The following FCHO2 variants were observed in gnomAD, a reference collection of about 807,000 sequenced individuals.
FCHO2 encodes the protein F-BAR domain only protein 2.
In FCHO2, 43 loss-of-function variants were observed where a neutral mutation model predicts 114.1. That is an observed-to-expected ratio of 0.38 (90% CI 0.30 to 0.49). FCHO2 has a LOEUF of 0.49. FCHO2 is among the 20% of genes least tolerant of loss of function. The pLI is 0.97. For missense variants in FCHO2, 807 were observed against 950.4 expected, an observed-to-expected ratio of 0.85 and a Z score of 1.98; for synonymous variants, 293 against 315.2, an observed-to-expected ratio of 0.93 and a Z score of 0.75.
intron 24 of FCHO2, among the ~76,000 whole-genome samples, chr5:73,085,134 A>C (rs1743251990): frequency 6.6e-6 from 1 of 151,668 alleles, no homozygotes; most frequent in Admixed American, 6.6e-5. Flanking sequence ...GTAGATCGTG[A>C]GGTCAAGAGA....
intron 8 of FCHO2, among the ~76,000 whole-genome samples, chr5:73,029,281 A>G (rs558418409): frequency 2.6e-5 from 4 of 152,344 alleles, no homozygotes; most frequent in South Asian, 4.1e-4. Flanking sequence ...CATAAGTACT[A>G]TAATTGAAAG....
At chr5:72,978,943 A>G (rs989396013) in intron 2 of FCHO2, among the ~76,000 whole-genome samples, 1 of 152,066 alleles carries the variant, frequency 6.6e-6, no homozygotes, top group Non-Finnish European at 1.5e-5. Context: ...CCAGCCTTGC[A>G]TCCCAGGGAT....
At chr5:73,020,732 C>T (rs1561454215) in intron 8 of FCHO2, 4 of 1,188,260 alleles carry the variant, frequency 3.4e-6, no homozygotes, top group Non-Finnish European at 5.0e-6. Context: ...TTCTGTTCTA[C>T]ATCCACCTTC....
intron 18 of FCHO2, among the ~76,000 whole-genome samples, chr5:73,064,406 G>A (rs1268029526): frequency 1.3e-5 from 2 of 151,988 alleles, no homozygotes; most frequent in East Asian, 3.9e-4. Context: ...ACATGCATGG[G>A]TGGGAAAAGC....
At chr5:72,996,840 C>A in intron 5 of FCHO2, 1 of 977,466 alleles carries the variant, frequency 1.0e-6, no homozygotes, top group Non-Finnish European at 1.5e-6. Flanking sequence ...CTCCCGGCAA[C>A]GGGGGGCTGG....
At chr5:73,052,654 G>C (rs1203159123) in intron 13 of FCHO2, 147 bp downstream of exon 13, 3 of 677,478 alleles carry the variant, frequency 4.4e-6, no homozygotes, top group Non-Finnish European at 4.6e-6. Flanking sequence ...AAATAAACTT[G>C]TGAATTTGGC....
chr5:73,083,478 C>A (rs60714547), intron 24 of FCHO2, among the ~76,000 whole-genome samples: 45,303 of 152,088 alleles, frequency 0.3, 6,973 homozygotes, highest in East Asian at 0.44. Context: ...AAATAGAACT[C>A]TATGTTCCAT....
chr5:73,014,395 T>G (rs1394784170), intron 6 of FCHO2, among the ~76,000 whole-genome samples: 1 of 151,604 alleles, frequency 6.6e-6, no homozygotes, highest in East Asian at 2.0e-4. Flanking sequence ...TTCAAGCGAT[T>G]CTCCTGCCTC....
At chr5:72,964,763 A>G (rs1033190657) in intron 1 of FCHO2, among the ~76,000 whole-genome samples, 1 of 152,214 alleles carries the variant, frequency 6.6e-6, no homozygotes, top group African/African-American at 2.4e-5. Flanking sequence ...ACTTTTAATG[A>G]TCATGACTAA....
rs557050513 is a variant in FCHO2 at position 73,058,210 on chromosome 5, A to G, written c.1254-223A>G. Among the ~76,000 whole-genome samples the G allele has an allele frequency of 3.9e-5, 6 of 152,004 alleles. No individual in the cohort carries two copies. The East Asian group carries it at 5.8e-4, about 15-fold the overall frequency. ...TTTTTTGTGTATATTGGGTCTTGCTATGTTGCCTAGGCTTGATCTTGAACT... is the reference window on the plus strand; with the variant it reads ...TTTTTTGTGTATATTGGGTCTTGCTGTGTTGCCTAGGCTTGATCTTGAACT... On this transcript the variant is annotated intron_variant, in intron 16 of 25. Coordinates refer to ENST00000430046, the MANE Select transcript of FCHO2 (RefSeq NM_138782.3).
At chr5:73,079,058 T>A (rs1743009599) in intron 22 of FCHO2, among the ~76,000 whole-genome samples, 1 of 152,166 alleles carries the variant, frequency 6.6e-6, no homozygotes, top group African/African-American at 2.4e-5. Flanking sequence ...GACAATCATT[T>A]TCACGTTTCT....
At chr5:72,956,295 C>CT (rs1162255339) in intron 1 of FCHO2, among the ~76,000 whole-genome samples, 166 bp downstream of exon 1, 1 of 151,844 alleles carries the variant, frequency 6.6e-6, no homozygotes, top group African/African-American at 2.4e-5. Flanking sequence ...GGTCGCCAGC[C>CT]TATAGGGACT....
intron 20 of FCHO2, 81 bp downstream of exon 20, chr5:73,074,934 A>T: frequency 9.1e-7 from 1 of 1,098,658 alleles, no homozygotes; most frequent in Non-Finnish European, 1.3e-6. Context: ...GGTAAATTTT[A>T]AGAATTACAT....
chr5:73,049,027 C>G (rs954935707), intron 11 of FCHO2, among the ~76,000 whole-genome samples: 8 of 151,262 alleles, frequency 5.3e-5, no homozygotes, highest in Non-Finnish European at 1.2e-4. Context: ...CAGGCGCCCG[C>G]TACCACGCCC....
chr5:72,994,576 A>AT (rs1753978159), intron 5 of FCHO2, among the ~76,000 whole-genome samples: 1 of 152,202 alleles, frequency 6.6e-6, no homozygotes, highest in African/African-American at 2.4e-5. Context: ...GTGTGTGGCG[A>AT]TTCTTCAAAG....
At position 73,088,441 on chromosome 5, in the gene FCHO2, C is replaced by T. The variant is rs149394339; in HGVS notation, c.*351C>T. ...GCCTAAAGTTTCAGAAGAGCAAGCA[C>T]AAAGTAATTTAGCTTTCCATACATT... On this transcript the variant is annotated 3_prime_UTR_variant, in exon 26 of 26. Coordinates refer to ENST00000430046, the MANE Select transcript of FCHO2 (RefSeq NM_138782.3). 1,109 of 204,092 alleles carry T rather than the reference C, an allele frequency of 5.4e-3. 8 individuals carry two copies. Among genetic ancestry groups the T allele is most frequent in the African/African-American group, 0.025 (1,075 of 43,452 alleles). The allele number at this position is 204,092 out of a possible 1,614,324, so 12.6% of individuals were successfully genotyped here.
chr5:73,007,139 G>T (rs1471579669), intron 6 of FCHO2, among the ~76,000 whole-genome samples: 4 of 152,118 alleles, frequency 2.6e-5, no homozygotes, highest in Non-Finnish European at 4.4e-5. Flanking sequence ...TACATACCAA[G>T]AATTTTATTC....
intron 2 of FCHO2, among the ~76,000 whole-genome samples, chr5:72,978,546 A>G (rs906683357): frequency 6.6e-6 from 1 of 152,202 alleles, no homozygotes; most frequent in African/African-American, 2.4e-5. Flanking sequence ...CAATCATGTC[A>G]TCTTCAAACA....
chr5:73,054,456 A>G (rs1478576451), intron 14 of FCHO2, 69 bp from the exon 15 acceptor site: 5 of 1,360,046 alleles, frequency 3.7e-6, no homozygotes, highest in Non-Finnish European at 5.1e-6. Flanking sequence ...CCCAGTATTA[A>G]CATTTTACCA....
Sources: gnomAD v4.1 joint callset for allele counts (sites outside exome capture counted in the v4.1 genomes callset) on GRCh38, gnomAD v4.1.1 for gene constraint, MANE v1.5 for transcripts, NCBI Gene and HGNC (gene_info 2026-07-23, HGNC 2026-07-21) for gene names.